Variants in FRYL observed in about 807,000 individuals in gnomAD.
The protein encoded by FRYL is protein furry homolog-like.
Under a neutral mutation model 351.2 loss-of-function variants are expected in FRYL, and 150 were observed. The ratio of observed to expected loss-of-function variants is 0.43; its 90% CI spans 0.37 to 0.49. The LOEUF (loss-of-function observed/expected upper bound fraction) is 0.49, where lower values mean the gene tolerates loss of function less well. FRYL is among the 20% of genes least tolerant of loss of function. The pLI, the probability that FRYL is intolerant of heterozygous loss-of-function variation, is 0.00. For missense variants in FRYL, 3,036 were observed against 3,619.3 expected, an observed-to-expected ratio of 0.84 and a Z score of 4.13; for synonymous variants, 1,153 against 1,257.1, an observed-to-expected ratio of 0.92 and a Z score of 1.75.
chr4:48,581,487 G>A lies in FRYL; in HGVS notation c.2105C>T (p.Thr702Ile), dbSNP rs369851107. 3.7e-6 allele frequency: 6 copies of A among 1,613,938 alleles called. No individual in the cohort carries two copies. The highest frequency in any genetic ancestry group is 2.7e-5 in the African/African-American group (2 of 74,902). The change falls in exon 21 of 64, where the codon ACT becomes ATT. Residue 702 changes from threonine to isoleucine, a missense_variant. This residue lies in a region of FRYL where 492 missense variants were observed against 551.5 expected (regional missense o/e 0.89). Coordinates refer to ENST00000358350, the MANE Select transcript of FRYL (RefSeq NM_015030.2). ...AAGGACACTGACGGCTAGTCTCCTA[G>A]TGGCAGGTCGACTGCTACAGAGAAT... is the stretch of plus-strand genomic sequence containing the variant. Reference protein sequence around the residue: ...LVILCSSRPATRRLAVSVLRE... With the variant: ...LVILCSSRPAIRRLAVSVLRE...
chr4:48,720,285 C>G (rs1425379332), intron 1 of FRYL, among the ~76,000 whole-genome samples: 2 of 151,926 alleles, frequency 1.3e-5, no homozygotes, highest in South Asian at 2.1e-4. Context: ...ATCATGAGGT[C>G]AGGAGTTCAA....
intron 1 of FRYL, among the ~76,000 whole-genome samples, chr4:48,772,026 T>A (rs1775565623): frequency 6.6e-6 from 1 of 152,202 alleles, no homozygotes; most frequent in African/African-American, 2.4e-5. Context: ...GGACACTAAT[T>A]GGCTAGAGTT....
chr4:48,513,831 T>C (rs1044284429), intron 56 of FRYL, among the ~76,000 whole-genome samples: 1 of 152,238 alleles, frequency 6.6e-6, no homozygotes, highest in Non-Finnish European at 1.5e-5. Flanking sequence ...TTAGTAGGAA[T>C]GCTCCATTCT....
At chr4:48,731,442 T>C (rs1301645494) in intron 1 of FRYL, among the ~76,000 whole-genome samples, 1 of 152,114 alleles carries the variant, frequency 6.6e-6, no homozygotes, top group Non-Finnish European at 1.5e-5. Flanking sequence ...TACTTTAAAC[T>C]TCATATGGAA....
At chr4:48,742,397 G>A (rs1294133171) in intron 1 of FRYL, among the ~76,000 whole-genome samples, 2 of 152,192 alleles carry the variant, frequency 1.3e-5, no homozygotes, top group African/African-American at 4.8e-5. Flanking sequence ...TTCCTCCACT[G>A]GCCAGTCCTT....
Position 48,507,825 on chromosome 4 carries a change from C to T in FRYL, c.8395-2210G>A, listed in dbSNP as rs115489561. Among the ~76,000 whole-genome samples the T allele has an allele frequency of 3.9e-3, 599 of 152,266 alleles. 4 individuals are homozygous for T. Among genetic ancestry groups the T allele is most frequent in the Non-Finnish European group, 6.5e-3 (445 of 68,022 alleles). ...GTCTCTGTGCAGTCTCGCCTTAGAACACTTGCTGTTCCTGTTTATTATCTG... is the reference window on the plus strand; with the variant it reads ...GTCTCTGTGCAGTCTCGCCTTAGAATACTTGCTGTTCCTGTTTATTATCTG... On this transcript the variant is annotated intron_variant, in intron 59 of 63. Transcript: ENST00000358350.
chr4:48,757,920 G>T (rs1305809422), intron 1 of FRYL, among the ~76,000 whole-genome samples: 1 of 152,134 alleles, frequency 6.6e-6, no homozygotes, highest in Non-Finnish European at 1.5e-5. Flanking sequence ...AGAGCCCTTA[G>T]AAATAATACC....
In FRYL at chr4:48,583,953, A is replaced by G. The variant is rs571024215; in HGVS notation, c.1749-1219T>C. Among the ~76,000 whole-genome samples the G allele has an allele frequency of 1.1e-4, 16 of 152,296 alleles. No individual in the cohort carries two copies. In the South Asian group the frequency reaches 2.9e-3, roughly 28 times the overall value. ...GTGTTGACTCTGCACATAAGTTCCT[A>G]AAGAGAGTTTAAGTCTAAACAAATT... On this transcript the variant is annotated intron_variant, in intron 19 of 63. Transcript: ENST00000358350.
At chr4:48,770,131 A>G (rs568364019) in intron 1 of FRYL, among the ~76,000 whole-genome samples, 2 of 152,330 alleles carry the variant, frequency 1.3e-5, no homozygotes, top group African/African-American at 4.8e-5. Context: ...TATTAACGAT[A>G]TTGTATCAGT....
chr4:48,662,119 T>C (rs374444355), intron 3 of FRYL, among the ~76,000 whole-genome samples: 2 of 152,098 alleles, frequency 1.3e-5, no homozygotes, highest in Non-Finnish European at 2.9e-5. Flanking sequence ...ATATATGGAA[T>C]TGGAATCTCA....
At chr4:48,631,606 G>T (rs1752970978) in intron 4 of FRYL, among the ~76,000 whole-genome samples, 1 of 151,980 alleles carries the variant, frequency 6.6e-6, no homozygotes, top group Non-Finnish European at 1.5e-5. Flanking sequence ...CTGGTTCCTG[G>T]TATCGAGTAA....
chr4:48,566,063 T>C (rs1288173040), intron 28 of FRYL, among the ~76,000 whole-genome samples: 1 of 152,228 alleles, frequency 6.6e-6, no homozygotes, highest in Non-Finnish European at 1.5e-5. Flanking sequence ...CTCTGTATCT[T>C]GGTTCACTGG....
chr4:48,778,840 A>G (rs904949102), intron 1 of FRYL, among the ~76,000 whole-genome samples: 15 of 151,434 alleles, frequency 9.9e-5, no homozygotes, highest in Non-Finnish European at 2.1e-4. Flanking sequence ...TTCCCCCCCA[A>G]TCCGACAGAC....
At chr4:48,599,333 C>G (rs1382718245) in intron 13 of FRYL, among the ~76,000 whole-genome samples, 1 of 151,908 alleles carries the variant, frequency 6.6e-6, no homozygotes, top group Non-Finnish European at 1.5e-5. Flanking sequence ...ATACCAAATT[C>G]TGTTTGGGAC....
chr4:48,656,394 TA>T (rs1165846990), intron 3 of FRYL, among the ~76,000 whole-genome samples: 98 of 12,358 alleles, frequency 7.9e-3, no homozygotes, highest in African/African-American at 0.026. Context: ...AATATATAAT[TA>T]ATATATAATT....
At chr4:48,570,699 TCA>T in intron 27 of FRYL, 126 bp downstream of exon 27, 1 of 599,366 alleles carries the variant, frequency 1.7e-6, no homozygotes, top group Non-Finnish European at 2.9e-6. Flanking sequence ...TAAATAATTT[TCA>T]CAGTGATACA....
At chr4:48,615,263 A>T (rs1578363047) in intron 7 of FRYL, among the ~76,000 whole-genome samples, 2 of 152,350 alleles carry the variant, frequency 1.3e-5, no homozygotes, top group East Asian at 3.9e-4. Flanking sequence ...CATTAGCAGA[A>T]TGACAAGTCA....
chr4:48,583,105 T>C (rs535219662), intron 19 of FRYL, among the ~76,000 whole-genome samples: 3 of 152,276 alleles, frequency 2.0e-5, no homozygotes, highest in Admixed American at 6.5e-5. Context: ...TATCGTCACA[T>C]TTATTTAATC....
intron 5 of FRYL, among the ~76,000 whole-genome samples, chr4:48,622,724 A>G (rs1245681888): frequency 6.6e-6 from 1 of 152,202 alleles, no homozygotes; most frequent in Non-Finnish European, 1.5e-5. Context: ...AGGAAGAATT[A>G]GCATTAGAAG....
Sources: allele counts gnomAD v4.1 joint callset (sites outside exome capture counted in the v4.1 genomes callset), GRCh38; gene constraint gnomAD v4.1.1; regional missense constraint gnomAD v4.1.1; transcripts MANE v1.5; gene names NCBI Gene and HGNC (gene_info 2026-07-23, HGNC 2026-07-21).